Variants in FHIP1A observed in about 807,000 individuals in gnomAD.
FHIP1A encodes the protein FHF complex subunit HOOK-interacting protein 1A.
In FHIP1A, 61 loss-of-function variants were observed where a neutral mutation model predicts 88.6. That is an observed-to-expected ratio of 0.69 (90% confidence interval 0.56 to 0.85). The LOEUF (loss-of-function observed/expected upper bound fraction) is 0.85, where lower values mean the gene tolerates loss of function less well. FHIP1A is among the 40% of genes least tolerant of loss of function. FHIP1A has a pLI of 0.00. For synonymous variants in FHIP1A, 478 were observed against 496.0 expected, an observed-to-expected ratio of 0.96 and a Z score of 0.48; for missense variants, 1,154 against 1,273.5, an observed-to-expected ratio of 0.91 and a Z score of 1.43.
intron 1 of FHIP1A, among the ~76,000 whole-genome samples, chr4:151,441,951 G>A (rs1728427975): frequency 1.3e-5 from 2 of 152,052 alleles, no homozygotes; most frequent in Non-Finnish European, 2.9e-5. Context: ...TTGTTCTCTT[G>A]TTCCATATTG....
chr4:151,573,336 C>T (rs372375852), intron 4 of FHIP1A, among the ~76,000 whole-genome samples: 1 of 151,854 alleles, frequency 6.6e-6, no homozygotes, highest in East Asian at 1.9e-4. Flanking sequence ...GTTTGTAGAT[C>T]AACAAATGTC....
chr4:151,539,334 C>T (rs1040909229), intron 3 of FHIP1A, among the ~76,000 whole-genome samples: 21 of 152,240 alleles, frequency 1.4e-4, no homozygotes, highest in Admixed American at 1.2e-3. Context: ...GTAATCCCAG[C>T]GCTTTGGGAG....
chr4:151,631,056 A>G (rs965558674), intron 8 of FHIP1A, among the ~76,000 whole-genome samples: 4 of 152,226 alleles, frequency 2.6e-5, no homozygotes, highest in African/African-American at 9.6e-5. Flanking sequence ...AAAAAGAAGA[A>G]AGAGCTCAAA....
chr4:151,464,696 A>G (rs1729248938), intron 2 of FHIP1A, among the ~76,000 whole-genome samples: 1 of 152,226 alleles, frequency 6.6e-6, no homozygotes. Flanking sequence ...TTGAATGTTC[A>G]GCCCAACCAG....
At chr4:151,609,332 A>G (rs778243977) in intron 7 of FHIP1A, among the ~76,000 whole-genome samples, 11 of 152,308 alleles carry the variant, frequency 7.2e-5, no homozygotes, top group South Asian at 4.1e-4. Flanking sequence ...TATAACCATT[A>G]TTACTTTTTT....
chr4:151,485,087 A>G (rs1191767684), intron 3 of FHIP1A, among the ~76,000 whole-genome samples: 2 of 152,168 alleles, frequency 1.3e-5, no homozygotes, highest in Non-Finnish European at 2.9e-5. Context: ...CAAATAATCA[A>G]ACCACCTACA....
intron 7 of FHIP1A, among the ~76,000 whole-genome samples, chr4:151,598,231 G>A (rs2126824303): frequency 6.6e-6 from 1 of 152,260 alleles, no homozygotes; most frequent in East Asian, 1.9e-4. Context: ...TATCTGGGCT[G>A]GAATGCACTG....
chr4:151,567,615 G>A (rs549894740), intron 4 of FHIP1A, among the ~76,000 whole-genome samples: 4 of 152,214 alleles, frequency 2.6e-5, no homozygotes, highest in Non-Finnish European at 5.9e-5. Flanking sequence ...TTTTAAAGCA[G>A]TATCTCCAAG....
intron 3 of FHIP1A, among the ~76,000 whole-genome samples, chr4:151,549,791 G>A (rs1353854780): frequency 6.6e-6 from 1 of 152,056 alleles, no homozygotes; most frequent in Non-Finnish European, 1.5e-5. Flanking sequence ...TCTGGATCGG[G>A]ACCCCTTTCT....
chr4:151,540,774 G>A (rs1220251578), intron 3 of FHIP1A, among the ~76,000 whole-genome samples: 1 of 152,100 alleles, frequency 6.6e-6, no homozygotes, highest in Non-Finnish European at 1.5e-5. Flanking sequence ...TTGCTCTCCT[G>A]AGTCAGGCAG....
intron 7 of FHIP1A, among the ~76,000 whole-genome samples, chr4:151,608,340 C>T (rs1476993893): frequency 2.6e-5 from 4 of 152,016 alleles, no homozygotes; most frequent in Admixed American, 6.6e-5. Flanking sequence ...GCACCACGTC[C>T]GACCCCTAAC....
intron 4 of FHIP1A, among the ~76,000 whole-genome samples, chr4:151,572,637 GC>G (rs1165559377): frequency 7.9e-5 from 12 of 152,156 alleles, no homozygotes; most frequent in Non-Finnish European, 1.8e-4. Context: ...GCTAAATCTT[GC>G]CCTTCAGTGT....
At chr4:151,551,271 A>G (rs1281048145) in intron 3 of FHIP1A, among the ~76,000 whole-genome samples, 1 of 152,074 alleles carries the variant, frequency 6.6e-6, no homozygotes, top group Non-Finnish European at 1.5e-5. Flanking sequence ...AAGTATAACT[A>G]AGATTCACTG....
In FHIP1A at chr4:151,478,839, T is replaced by G. The variant is rs562628066; in HGVS notation, c.-247-3685T>G. 7.9e-5 allele frequency among the ~76,000 whole-genome samples: 12 copies of G among 152,218 alleles called. No homozygotes were observed. In the East Asian group the frequency reaches 1.2e-3, roughly 15 times the overall value. ...GGAAACATCACTTTAATACTAGAAT[T>G]TGGTTTCATTCACCTTCATTATTCA... On this transcript the variant is annotated intron_variant, in intron 2 of 13. Coordinates refer to ENST00000435205, the MANE Select transcript of FHIP1A (RefSeq NM_001109977.3).
rs1438989689 is a variant in FHIP1A, at chr4:151,586,655, G to A, written c.747G>A (p.Gly249=). Residue 249 remains glycine, a synonymous_variant, in exon 6 of 14, where the codon GGG becomes GGA. Coordinates refer to ENST00000435205, the MANE Select transcript of FHIP1A (RefSeq NM_001109977.3). ...TCTGAACACAGGTACTTGCAACTGG[G>A]CTCAGTGGTCTCTACTCTTCCCTGC... The part of the protein sequence containing the change: ...NTYFCPVLAT[G]LSGLYSSLPT... 3 of 1,546,992 alleles carry A rather than the reference G, an allele frequency of 1.9e-6. No homozygotes were observed. The highest frequency in any genetic ancestry group is 2.6e-6 in the Non-Finnish European group (3 of 1,143,456).
intron 3 of FHIP1A, among the ~76,000 whole-genome samples, chr4:151,486,108 A>G (rs1035391444): frequency 5.3e-5 from 8 of 152,144 alleles, no homozygotes; most frequent in African/African-American, 1.7e-4. Context: ...TTGCGCTTCT[A>G]TGAGAATCTA....
In FHIP1A at chr4:151,409,343, G is replaced by C. The variant is rs1273187464; in HGVS notation, c.-478G>C. The C allele has an allele frequency of 1.3e-5, 2 of 152,598 alleles. No homozygotes were observed. Among genetic ancestry groups the C allele is most frequent in the African/African-American group, 4.8e-5 (2 of 41,450 alleles). 9.5% of individuals were successfully genotyped at this position (152,598 alleles called of 1,614,324 possible). A position where few individuals can be genotyped will look rare whatever the true frequency, so the allele number is the denominator to read the frequency against. On this transcript the variant is annotated 5_prime_UTR_variant, in exon 1 of 14. Transcript: ENST00000435205. ...GCCCGAGGTGCGAGGAGCCAGCCCG[G>C]CTTTCCTCACTGGGTCCCGCGCAGG... is the stretch of plus-strand genomic sequence containing the variant.
chr4:151,431,374 C>A (rs766471752), intron 1 of FHIP1A, among the ~76,000 whole-genome samples: 1 of 152,090 alleles, frequency 6.6e-6, no homozygotes, highest in East Asian at 1.9e-4. Context: ...TGAGATGATG[C>A]GCTTACATTT....
chr4:151,525,425 A>C (rs1731594228), intron 3 of FHIP1A, among the ~76,000 whole-genome samples: 1 of 152,206 alleles, frequency 6.6e-6, no homozygotes, highest in Admixed American at 6.5e-5. Context: ...TTTTTTGCCC[A>C]GCAAAGGTGG....
Sources: allele counts gnomAD v4.1 joint callset (sites outside exome capture counted in the v4.1 genomes callset), GRCh38; gene constraint gnomAD v4.1.1; transcripts MANE v1.5; gene names NCBI Gene and HGNC (gene_info 2026-07-23, HGNC 2026-07-21).